The following ADGRB3 variants were observed in gnomAD, a reference collection of about 807,000 sequenced individuals.
ADGRB3 encodes the protein brain-specific angiogenesis inhibitor 3.
ADGRB3 carries 37 observed loss-of-function variants against 193.4 expected under a neutral mutation model. That is an observed-to-expected ratio of 0.19 (90% CI 0.15 to 0.25). The LOEUF is 0.25. Ranked by LOEUF, ADGRB3 falls within the 10% of genes least tolerant of loss-of-function variation. ADGRB3 has a pLI of 1.00. For synonymous variants in ADGRB3, 690 were observed against 644.2 expected (o/e 1.07, Z -1.08); for missense variants, 1,637 against 1,852.9 (o/e 0.88, Z 2.14).
intron 17 of ADGRB3, among the ~76,000 whole-genome samples, chr6:69,177,976 A>G (rs1439623437): frequency 6.6e-6 from 1 of 152,170 alleles, no homozygotes; most frequent in Non-Finnish European, 1.5e-5. Context: ...GTCAGAGTTT[A>G]GTCCAGAATT....
intron 3 of ADGRB3, among the ~76,000 whole-genome samples, chr6:68,884,039 T>G (rs950054178): frequency 6.6e-6 from 1 of 152,204 alleles, no homozygotes; most frequent in Non-Finnish European, 1.5e-5. Flanking sequence ...TGACTAGAAT[T>G]CAGAGTGCTT....
At chr6:69,260,281 A>G (rs916077101) in intron 20 of ADGRB3, among the ~76,000 whole-genome samples, 1 of 152,176 alleles carries the variant, frequency 6.6e-6, no homozygotes, top group Admixed American at 6.5e-5. Flanking sequence ...AAACCTATAT[A>G]CTTTCATACA....
At chr6:68,775,138 T>G (rs537800430) in intron 3 of ADGRB3, among the ~76,000 whole-genome samples, 110 of 60,974 alleles carry the variant, frequency 1.8e-3, no homozygotes, top group African/African-American at 6.5e-3. Flanking sequence ...TCTGACAAGC[T>G]GCTTGTTAAA....
chr6:69,029,479 A>T (rs1770555105), intron 13 of ADGRB3, among the ~76,000 whole-genome samples: 1 of 152,208 alleles, frequency 6.6e-6, no homozygotes, highest in African/African-American at 2.4e-5. Flanking sequence ...TTTTTTATTT[A>T]CTAAGAAAAT....
intron 3 of ADGRB3, among the ~76,000 whole-genome samples, chr6:68,738,010 G>A (rs373539626): frequency 5.9e-5 from 9 of 152,132 alleles, no homozygotes; most frequent in Non-Finnish European, 1.2e-4. Context: ...GTGTTGCTAG[G>A]GAGAATGGAC....
intron 8 of ADGRB3, among the ~76,000 whole-genome samples, chr6:68,958,990 T>G (rs1175944495): frequency 6.6e-6 from 1 of 152,032 alleles, no homozygotes; most frequent in East Asian, 1.9e-4. Flanking sequence ...CATCAGAAAT[T>G]GTGTGTGACT....
chr6:69,120,557 G>C (rs1158660024), intron 17 of ADGRB3, among the ~76,000 whole-genome samples: 1 of 152,232 alleles, frequency 6.6e-6, no homozygotes. Flanking sequence ...GTGAATGGTA[G>C]TGGTACTGAT....
intron 3 of ADGRB3, among the ~76,000 whole-genome samples, chr6:68,714,151 A>G (rs1765452860): frequency 6.6e-6 from 1 of 151,732 alleles, no homozygotes; most frequent in South Asian, 2.1e-4. Context: ...TTTATAAAAT[A>G]CTTGCATGCC....
intron 13 of ADGRB3, among the ~76,000 whole-genome samples, chr6:69,023,747 G>A (rs1770340889): frequency 6.6e-6 from 1 of 152,060 alleles, no homozygotes; most frequent in African/African-American, 2.4e-5. Context: ...GAGTCCAAAT[G>A]TAGATAGAAG....
At chr6:69,095,610 A>C (rs544924437) in intron 17 of ADGRB3, among the ~76,000 whole-genome samples, 2 of 152,186 alleles carry the variant, frequency 1.3e-5, no homozygotes, top group African/African-American at 2.4e-5. Context: ...ACGTGTTCTA[A>C]TAACTTTGTC....
intron 31 of ADGRB3, among the ~76,000 whole-genome samples, chr6:69,383,597 C>T (rs1387067778): frequency 1.3e-5 from 2 of 151,938 alleles, no homozygotes; most frequent in Admixed American, 6.6e-5. Flanking sequence ...GTATACTAGT[C>T]GAAAGCTCAA....
chr6:68,800,084 A>T lies in ADGRB3; in HGVS notation c.758-130475A>T, dbSNP rs138080681. On this transcript the variant is annotated intron_variant, in intron 3 of 31. Transcript: ENST00000370598. ...GTAAGAGTGTACCCAGAGAGACTTG[A>T]AAAACCACTGCAGCGGTTTATGAGG... 4.3e-4 allele frequency among the ~76,000 whole-genome samples: 66 copies of T among 152,258 alleles called. 1 individual carries two copies. The highest frequency in any genetic ancestry group is 1.5e-3 in the African/African-American group (62 of 41,558).
At chr6:68,797,746 C>T (rs935191046) in intron 3 of ADGRB3, among the ~76,000 whole-genome samples, 2 of 152,106 alleles carry the variant, frequency 1.3e-5, no homozygotes, top group African/African-American at 4.8e-5. Context: ...GACGTCATCC[C>T]CTTCATTAAG....
At chr6:68,997,297 A>G (rs13205016) in intron 11 of ADGRB3, among the ~76,000 whole-genome samples, 17,462 of 152,022 alleles carry the variant, frequency 0.11, 1,259 homozygotes, top group African/African-American at 0.21. Flanking sequence ...CAAATGAATT[A>G]AACCATGAAG....
At chr6:69,004,365 C>T (rs925150610) in intron 11 of ADGRB3, among the ~76,000 whole-genome samples, 2 of 151,760 alleles carry the variant, frequency 1.3e-5, no homozygotes, top group African/African-American at 4.8e-5. Flanking sequence ...TACACACTTG[C>T]ATCCCTGGTG....
chr6:69,327,887 C>A lies in ADGRB3; in HGVS notation c.3033C>A (p.His1011Gln), dbSNP rs1413497432. Reference protein sequence around the residue: ...FTRTKGYGTDHYCWLSLEGGL... With the variant: ...FTRTKGYGTDQYCWLSLEGGL... ...GAACAAAAGGATATGGCACTGATCA[C>A]TAGTAAGTCCATCCACAGAGATAAA... The change falls in exon 22 of 32, where the codon CAC (histidine) becomes CAA (glutamine). Residue 1011 changes from histidine to glutamine, a missense_variant and splice_region_variant. Around this residue, in one of 7 missense-constraint regions of ADGRB3, gnomAD observed 87 missense variants for 161.0 expected, o/e 0.54. Transcript: ENST00000370598. 4 of 1,599,876 alleles carry A rather than the reference C, an allele frequency of 2.5e-6. No homozygotes were observed. The highest frequency in any genetic ancestry group is 2.6e-6 in the Non-Finnish European group (3 of 1,169,084).
At chr6:69,285,323 C>T (rs745649895) in intron 20 of ADGRB3, among the ~76,000 whole-genome samples, 13 of 152,174 alleles carry the variant, frequency 8.5e-5, no homozygotes, top group African/African-American at 1.7e-4. Context: ...CTCACTGCAA[C>T]AGCCTCAGAG....
intron 3 of ADGRB3, among the ~76,000 whole-genome samples, chr6:68,843,967 A>G (rs1768220425): frequency 6.6e-6 from 1 of 152,192 alleles, no homozygotes; most frequent in Non-Finnish European, 1.5e-5. Flanking sequence ...CTGGCTATCC[A>G]TAGGCAGAAG....
At chr6:69,190,938 T>C (rs919160001) in intron 17 of ADGRB3, among the ~76,000 whole-genome samples, 3 of 126,290 alleles carry the variant, frequency 2.4e-5, no homozygotes, top group Non-Finnish European at 5.0e-5. Context: ...TGTAGTAGGC[T>C]ATGTACCCCA....
Sources: gnomAD v4.1 joint callset for allele counts (sites outside exome capture counted in the v4.1 genomes callset) on GRCh38, gnomAD v4.1.1 for gene constraint, gnomAD v4.1.1 regional missense constraint, MANE v1.5 for transcripts, NCBI Gene and HGNC (gene_info 2026-07-23, HGNC 2026-07-21) for gene names.